The following ELOA variants were observed in gnomAD, a reference collection of about 807,000 sequenced individuals.
ELOA encodes elongin-A.
In ELOA, 15 loss-of-function variants were observed where a neutral mutation model predicts 85.2. That is an observed-to-expected ratio of 0.18 (90% CI 0.12 to 0.27). The LOEUF (loss-of-function observed/expected upper bound fraction) is 0.27. Ranked by LOEUF, ELOA falls within the 10% of genes least tolerant of loss-of-function variation. ELOA has a pLI of 1.00. For missense variants in ELOA, 769 were observed against 952.7 expected, an observed-to-expected ratio of 0.81 and a Z score of 2.54; for synonymous variants, 348 against 357.2, an observed-to-expected ratio of 0.97 and a Z score of 0.29.
chr1:23,761,840 G>A lies in ELOA; in HGVS notation c.*2267G>A, dbSNP rs1325792319. On this transcript the variant is annotated 3_prime_UTR_variant, in exon 11 of 11. Transcript: ENST00000613537. ...ACCAAATTACAAATTACCCTTTTGTGATCCTTGGTGTACTGAGCAGTTTCT... is the reference window on the plus strand; with the variant it reads ...ACCAAATTACAAATTACCCTTTTGTAATCCTTGGTGTACTGAGCAGTTTCT... 6.6e-6 allele frequency: 1 copy of A among 152,122 alleles called. No homozygotes were observed. The highest frequency in any genetic ancestry group is 1.9e-4 in the East Asian group (1 of 5,190). 9.4% of individuals were successfully genotyped at this position (152,122 alleles called of 1,614,324 possible).
chr1:23,743,908 G>C (rs1282824655), intron 1 of ELOA: 1 of 202,872 alleles, frequency 4.9e-6, no homozygotes, highest in African/African-American at 2.3e-5. Context: ...AGCGTGCCCG[G>C]GGCGGGAGGG....
At position 23,756,989 on chromosome 1, in the gene ELOA, T is replaced by C. The variant is rs140332205; in HGVS notation, c.2121T>C (p.His707=). 1.7e-5 allele frequency: 27 copies of C among 1,587,382 alleles called. No homozygotes were observed. The African/African-American group carries it at 3.7e-4, about 22-fold the overall frequency. Residue 707 remains histidine, a synonymous_variant, in exon 10 of 11, where the codon CAT becomes CAC. Coordinates refer to ENST00000613537, the MANE Select transcript of ELOA (RefSeq NM_003198.3). ...CCCCGTACCCCATGGGAAGCAGCCA[T>C]GCTTCCGCCAGTAGCATCAGCTTTA... is the stretch of plus-strand genomic sequence containing the variant. The part of the protein sequence containing the change: ...KPAPYPMGSS[H]ASASSISFNP...
At position 23,756,343 on chromosome 1, in the gene ELOA, A is replaced by T; in HGVS notation, c.2042A>T (p.Glu681Val). The change falls in exon 9 of 11, where the codon GAA (glutamate) becomes GTA (valine). Residue 681 changes from glutamate (E) to valine (V), a missense_variant. By Grantham distance (121) the Glu-to-Val change is moderately radical. Transcript: ENST00000613537. ...CCTCGTGACGTCCGGAGGAGGCAGG[A>T]AAAGTTTGGAACGGGAGGAGCAGCT... is the stretch of plus-strand genomic sequence containing the variant. ...KPPRDVRRRQ[E>V]KFGTGGAAVP... 1.3e-6 allele frequency: 2 copies of T among 1,582,378 alleles called. No homozygotes were observed. The highest frequency in any genetic ancestry group is 1.7e-6 in the Non-Finnish European group (2 of 1,163,876).
rs1354238391 is a variant in ELOA, at chr1:23,756,163, C to T, written c.1973-111C>T. 1.2e-5 allele frequency: 17 copies of T among 1,415,460 alleles called. No homozygotes were observed. The Admixed American group carries it at 2.7e-4, about 23-fold the overall frequency. The allele number at this position is 1,415,460 out of a possible 1,614,324, so 87.7% of individuals were successfully genotyped here. On this transcript the variant is annotated intron_variant, in intron 8 of 10. Transcript: ENST00000613537. The stretch of plus-strand genomic sequence containing the variant: ...GGTGGGTATTTCTTCTGCCACCGCC[C>T]ATTCTACCCTACAAGTGGGGTTTCA...
intron 8 of ELOA, 99 bp from the exon 9 acceptor site, chr1:23,756,175 C>T (rs886550445): frequency 6.6e-5 from 94 of 1,423,538 alleles, no homozygotes; most frequent in Non-Finnish European, 8.6e-5. Context: ...TTCTACCCTA[C>T]AAGTGGGGTT....
Position 23,754,376 on chromosome 1 carries a change from G to C in ELOA, c.1707G>C (p.Val569=). The C allele has an allele frequency of 6.2e-7, 1 of 1,614,198 alleles. No individual in the cohort carries two copies. The highest frequency in any genetic ancestry group is 8.5e-7 in the Non-Finnish European group (1 of 1,180,036). ...GTTTCTCTGCAGCAATCTTTGAAGT[G>C]GGAGGAGTCCCATACTCTGTTCTTG... is the stretch of plus-strand genomic sequence containing the variant. ...LKNNIDSIFE[V]GGVPYSVLEP... The change falls in exon 7 of 11, where the codon GTG becomes GTC. Residue 569 remains valine, a synonymous_variant. Coordinates refer to ENST00000613537, the MANE Select transcript of ELOA (RefSeq NM_003198.3).
chr1:23,746,314 A>G (rs1644746737), intron 1 of ELOA, among the ~76,000 whole-genome samples: 1 of 144,148 alleles, frequency 6.9e-6, no homozygotes, highest in Non-Finnish European at 1.5e-5. Flanking sequence ...AAAAAAACAC[A>G]CACACACAGT....
chr1:23,755,860 A>G lies in ELOA; in HGVS notation c.1809A>G (p.Thr603=), dbSNP rs377616116. The stretch of plus-strand genomic sequence containing the variant: ...GGTTTCAGGTATTAATTGAAGAAAC[A>G]GATCAATTATGGAAAGTTCATTGTC... ...EEYNHVLIEE[T]DQLWKVHCHR... is the part of the protein sequence containing the mutation. Residue 603 remains threonine (T), a synonymous_variant, in exon 8 of 11, where the codon ACA becomes ACG. Transcript: ENST00000613537. 2.2e-5 allele frequency: 36 copies of G among 1,606,930 alleles called. 1 individual carries two copies. The African/African-American group carries it at 2.4e-4, about 11-fold the overall frequency.
Position 23,759,621 on chromosome 1 carries a change from G to A in ELOA, c.*48G>A. 3 of 1,594,026 alleles carry A rather than the reference G, an allele frequency of 1.9e-6. No individual in the cohort carries two copies. Among genetic ancestry groups the A allele is most frequent in the Non-Finnish European group, 2.6e-6 (3 of 1,161,804 alleles). On this transcript the variant is annotated 3_prime_UTR_variant, in exon 11 of 11. Transcript: ENST00000613537. ...GGAATCTGGGGAGGCAGGAATACAA[G>A]GACAGTGGGGGTTGGGGAATGGAAT...
intron 9 of ELOA, 38 bp downstream of exon 9, chr1:23,756,423 C>A: frequency 2.0e-6 from 3 of 1,528,522 alleles, no homozygotes; most frequent in South Asian, 2.4e-5. Flanking sequence ...TGTGTGCTAT[C>A]AACCCTTAGA....
intron 5 of ELOA, among the ~76,000 whole-genome samples, chr1:23,753,658 G>GA (rs1042089280): frequency 6.6e-6 from 1 of 152,024 alleles, no homozygotes; most frequent in Non-Finnish European, 1.5e-5. Context: ...TGTGGCAAAT[G>GA]AAAAAAAGCA....
At chr1:23,745,659 A>G (rs1041906217) in intron 1 of ELOA, among the ~76,000 whole-genome samples, 1 of 152,212 alleles carries the variant, frequency 6.6e-6, no homozygotes, top group Non-Finnish European at 1.5e-5. Context: ...GCATTCAGAT[A>G]TGAGTTAACT....
At chr1:23,752,776 C>T (rs1361757302) in intron 5 of ELOA, among the ~76,000 whole-genome samples, 3 of 152,030 alleles carry the variant, frequency 2.0e-5, no homozygotes, top group African/African-American at 7.2e-5. Context: ...AACCCTGTCT[C>T]TACTAAAAAT....
chr1:23,754,328 G>T, intron 6 of ELOA, 35 bp from the exon 7 acceptor site: 1 of 1,614,126 alleles, frequency 6.2e-7, no homozygotes, highest in Non-Finnish European at 8.5e-7. Context: ...TGGCTTGGCT[G>T]CTACTCAGTG....
chr1:23,758,451 T>A (rs374938033), intron 10 of ELOA, among the ~76,000 whole-genome samples: 2 of 149,518 alleles, frequency 1.3e-5, no homozygotes, highest in African/African-American at 4.9e-5. Context: ...TTTTTTGTAT[T>A]TTTAGTAGAC....
chr1:23,757,693 G>A (rs531177953), intron 10 of ELOA, among the ~76,000 whole-genome samples: 8 of 151,824 alleles, frequency 5.3e-5, no homozygotes, highest in Non-Finnish European at 7.4e-5. Flanking sequence ...TAGAGACGGG[G>A]TTTCACCATG....
Position 23,755,889 on chromosome 1 carries a change from G to A in ELOA, c.1838G>A (p.Arg613Gln), listed in dbSNP as rs747213303. 1 of 1,613,162 alleles carries A rather than the reference G, an allele frequency of 6.2e-7. No homozygotes were observed. Among genetic ancestry groups the A allele is most frequent in the Non-Finnish European group, 8.5e-7 (1 of 1,179,766 alleles). ...CAATTATGGAAAGTTCATTGTCACC[G>A]AGACTTTAAGGAAGAAAGACCCGAA... ...TDQLWKVHCH[R>Q]DFKEERPEEY... The change falls in exon 8 of 11, where the codon CGA (arginine) becomes CAA (glutamine). Residue 613 changes from arginine (R) to glutamine (Q), a missense_variant. Around this residue, in one of 4 missense-constraint regions of ELOA, gnomAD observed 193 missense variants for 278.9 expected, o/e 0.69. Coordinates refer to ENST00000613537, the MANE Select transcript of ELOA (RefSeq NM_003198.3).
rs766917209 is a variant in ELOA, at chr1:23,751,537, A to G, written c.932A>G (p.Lys311Arg). The change falls in exon 4 of 11, where the codon AAG becomes AGG. Residue 311 changes from lysine to arginine, a missense_variant. Lys to Arg is a conservative substitution (Grantham distance 26, BLOSUM62 2). This residue lies in a region of ELOA where 440 missense variants were observed against 474.0 expected (regional missense o/e 0.93). Transcript: ENST00000613537. ...GACAGAGAGGGCAGCAGCCTGAAGA[A>G]GAAGTGTTTGCCTCCCTCAGAGGCC... ...EKDREGSSLK[K>R]KCLPPSEAAS... 2 of 1,614,068 alleles carry G rather than the reference A, an allele frequency of 1.2e-6. No homozygotes were observed. Among genetic ancestry groups the G allele is most frequent in the East Asian group, 4.5e-5 (2 of 44,904 alleles).
intron 2 of ELOA, among the ~76,000 whole-genome samples, 180 bp from the exon 3 acceptor site, chr1:23,749,662 A>G (rs1017542554): frequency 3.9e-5 from 6 of 152,232 alleles, no homozygotes; most frequent in African/African-American, 1.4e-4. Context: ...ACGCTTTGCT[A>G]CTGTGTGTCA....
Sources: allele counts gnomAD v4.1 joint callset (sites outside exome capture counted in the v4.1 genomes callset), GRCh38; gene constraint gnomAD v4.1.1; regional missense constraint gnomAD v4.1.1; transcripts MANE v1.5; gene names NCBI Gene and HGNC (gene_info 2026-07-23, HGNC 2026-07-21).